GABRG3: variants seen among roughly 807,000 people sequenced by gnomAD.
GABRG3 encodes the protein gamma-aminobutyric acid type A receptor subunit gamma3, also known as gamma-aminobutyric acid receptor subunit gamma-3.
Under a neutral mutation model 48.8 loss-of-function variants are expected in GABRG3, and 25 were observed. The observed-to-expected ratio is 0.51, with a 90% CI of 0.37 to 0.72. GABRG3 has a LOEUF of 0.72. Ranked by LOEUF, GABRG3 falls within the 30% of genes least tolerant of loss-of-function variation. GABRG3 has a pLI of 0.00. For synonymous variants in GABRG3, 227 were observed against 217.6 expected, an observed-to-expected ratio of 1.04 and a Z score of -0.38; for missense variants, 394 against 577.9, an observed-to-expected ratio of 0.68 and a Z score of 3.26.
intron 3 of GABRG3, among the ~76,000 whole-genome samples, chr15:27,116,683 AG>A (rs1309670639): frequency 6.6e-6 from 1 of 152,188 alleles, no homozygotes; most frequent in Non-Finnish European, 1.5e-5. Context: ...TAGTATTAAG[AG>A]GGGGGCCTTA....
intron 2 of GABRG3, among the ~76,000 whole-genome samples, chr15:27,000,398 C>T (rs1370139063): frequency 1.3e-5 from 2 of 152,188 alleles, no homozygotes; most frequent in Non-Finnish European, 2.9e-5. Flanking sequence ...CTCCCCACTA[C>T]TGAGTCAAGA....
chr15:27,441,808 C>CA (rs750323544), intron 5 of GABRG3, among the ~76,000 whole-genome samples: 9 of 152,150 alleles, frequency 5.9e-5, no homozygotes, highest in Non-Finnish European at 1.5e-5. Context: ...CCATGACACT[C>CA]ACAGATTTAA....
chr15:26,989,353 A>C (rs574124108), intron 2 of GABRG3, among the ~76,000 whole-genome samples: 6 of 152,240 alleles, frequency 3.9e-5, no homozygotes, highest in Non-Finnish European at 7.3e-5. Context: ...AATAGTGGAT[A>C]TTCTAAATAA....
At chr15:27,390,806 A>G (rs181774791) in intron 5 of GABRG3, among the ~76,000 whole-genome samples, 1 of 152,260 alleles carries the variant, frequency 6.6e-6, no homozygotes, top group Admixed American at 6.5e-5. Context: ...AGACATAATC[A>G]GGCCGGGCAC....
chr15:27,187,044 A>G (rs1187179051), intron 3 of GABRG3, among the ~76,000 whole-genome samples: 1 of 145,860 alleles, frequency 6.9e-6, no homozygotes, highest in Non-Finnish European at 1.5e-5. Context: ...TGGGATTTTT[A>G]TAGTTTGAGG....
At position 27,076,944 on chromosome 15, in the gene GABRG3, G is replaced by A. The variant is rs374875354; in HGVS notation, c.270+50123G>A. 2.6e-5 allele frequency among the ~76,000 whole-genome samples: 4 copies of A among 152,330 alleles called. 1 individual carries two copies. Among genetic ancestry groups the A allele is most frequent in the African/African-American group, 9.6e-5 (4 of 41,594 alleles). On this transcript the variant is annotated intron_variant, in intron 3 of 9. Coordinates refer to ENST00000615808, the MANE Select transcript of GABRG3 (RefSeq NM_033223.5). The stretch of plus-strand genomic sequence containing the variant: ...TATTTTGCCATGGCAGCCACAGGAA[G>A]CTAATGTATCTTCCTTATGAAAAGT...
rs137882241 is a variant in GABRG3 at position 27,217,843 on chromosome 15, G to T, written c.271-108966G>T. Among the ~76,000 whole-genome samples the T allele has an allele frequency of 6.6e-4, 100 of 152,288 alleles. 1 individual carries two copies. The highest frequency in any genetic ancestry group is 2.3e-3 in the African/African-American group (96 of 41,562). On this transcript the variant is annotated intron_variant, in intron 3 of 9. Transcript: ENST00000615808. ...CCTGAGGTTAGACACAGGCCAAGTC[G>T]CCACAGGTGCCTTCTTCCCAGCGGG...
At chr15:27,155,065 A>C (rs2140398969) in intron 3 of GABRG3, among the ~76,000 whole-genome samples, 1 of 151,066 alleles carries the variant, frequency 6.6e-6, no homozygotes, top group South Asian at 2.1e-4. Context: ...GGCTCTGTTT[A>C]TTTTTTCAGT....
intron 3 of GABRG3, among the ~76,000 whole-genome samples, chr15:27,113,399 C>T (rs1400171106): frequency 6.6e-6 from 1 of 152,076 alleles, no homozygotes; most frequent in Admixed American, 6.6e-5. Context: ...ATGTATGTGA[C>T]AAGTAGATCC....
intron 3 of GABRG3, among the ~76,000 whole-genome samples, chr15:27,267,947 A>G (rs553566120): frequency 6.6e-5 from 10 of 152,200 alleles, no homozygotes; most frequent in Admixed American, 5.9e-4. Flanking sequence ...TCAATATACT[A>G]TTTTTAAAAA....
intron 2 of GABRG3, among the ~76,000 whole-genome samples, chr15:27,008,757 C>T (rs1008489316): frequency 6.6e-6 from 1 of 152,054 alleles, no homozygotes; most frequent in Non-Finnish European, 1.5e-5. Context: ...GTAAATGGCA[C>T]CCGCAGAGCA....
At chr15:27,331,183 C>T (rs1266727628) in intron 5 of GABRG3, among the ~76,000 whole-genome samples, 3 of 152,096 alleles carry the variant, frequency 2.0e-5, no homozygotes, top group African/African-American at 4.8e-5. Context: ...ACACCTGGGT[C>T]GTCTCTTACA....
intron 3 of GABRG3, among the ~76,000 whole-genome samples, chr15:27,286,730 C>T (rs1178273370): frequency 1.3e-5 from 2 of 152,154 alleles, no homozygotes; most frequent in African/African-American, 4.8e-5. Flanking sequence ...TATAAAATCT[C>T]ACATCAAGTA....
At chr15:27,063,546 A>G (rs888505631) in intron 3 of GABRG3, among the ~76,000 whole-genome samples, 2 of 152,164 alleles carry the variant, frequency 1.3e-5, no homozygotes, top group Admixed American at 1.3e-4. Context: ...TGACCATGTG[A>G]TGCGCCTTCT....
At chr15:27,209,066 G>A (rs1328914949) in intron 3 of GABRG3, among the ~76,000 whole-genome samples, 1 of 152,210 alleles carries the variant, frequency 6.6e-6, no homozygotes, top group African/African-American at 2.4e-5. Flanking sequence ...AGGCCAGCAC[G>A]GCTGCTCAGG....
intron 6 of GABRG3, among the ~76,000 whole-genome samples, chr15:27,497,290 C>T (rs1193263500): frequency 1.3e-5 from 2 of 152,150 alleles, no homozygotes; most frequent in African/African-American, 4.8e-5. Context: ...GAGTTCTTAA[C>T]TTGGGTGGGA....
intron 3 of GABRG3, among the ~76,000 whole-genome samples, chr15:27,036,543 A>G (rs1896181944): frequency 6.6e-6 from 1 of 152,152 alleles, no homozygotes; most frequent in Non-Finnish European, 1.5e-5. Context: ...TACAAAAATT[A>G]GCTGGGCTTT....
At chr15:27,164,848 G>A (rs7402147) in intron 3 of GABRG3, among the ~76,000 whole-genome samples, 78,574 of 152,046 alleles carry the variant, frequency 0.52, 20,573 homozygotes, top group African/African-American at 0.58. Flanking sequence ...GTACACATTC[G>A]TTAGTTCTTT....
chr15:27,241,733 C>T (rs1174656940), intron 3 of GABRG3, among the ~76,000 whole-genome samples: 1 of 152,214 alleles, frequency 6.6e-6, no homozygotes, highest in Non-Finnish European at 1.5e-5. Context: ...TTAAATTGAA[C>T]ATCTGTCTTT....
Sources: allele counts gnomAD v4.1 joint callset (sites outside exome capture counted in the v4.1 genomes callset), GRCh38; gene constraint gnomAD v4.1.1; transcripts MANE v1.5; gene names NCBI Gene and HGNC (gene_info 2026-07-23, HGNC 2026-07-21).